The following ERBB4 variants were observed in gnomAD, a reference collection of about 807,000 sequenced individuals.
The protein encoded by ERBB4 is erb-b2 receptor tyrosine kinase 4.
A neutral mutation model predicts 158.0 loss-of-function variants in ERBB4; 42 were observed. That is an observed-to-expected ratio of 0.27 (90% CI 0.21 to 0.34). The LOEUF (loss-of-function observed/expected upper bound fraction) is 0.34. Among genes scored for constraint, ERBB4 ranks in the 10% least tolerant of loss-of-function variants. The probability of loss-of-function intolerance (pLI) is 1.00; values close to 1 mark genes in which losing one functional copy is unlikely to be tolerated. For synonymous variants in ERBB4, 583 were observed against 558.7 expected (o/e 1.04, Z -0.61); for missense variants, 1,333 against 1,624.1 (o/e 0.82, Z 3.08).
chr2:211,871,112 A>C (rs573972458), intron 3 of ERBB4, among the ~76,000 whole-genome samples: 71 of 152,274 alleles, frequency 4.7e-4, no homozygotes, highest in African/African-American at 1.7e-3. Flanking sequence ...TCCATTAATA[A>C]ATTTAAACTG....
At chr2:212,416,604 C>T (rs1403317564) in intron 1 of ERBB4, among the ~76,000 whole-genome samples, 1 of 151,968 alleles carries the variant, frequency 6.6e-6, no homozygotes, top group Non-Finnish European at 1.5e-5. Flanking sequence ...CCCTTAAGAC[C>T]ATGACAAGAT....
chr2:211,931,505 C>T (rs752007911), intron 3 of ERBB4, among the ~76,000 whole-genome samples: 1 of 151,864 alleles, frequency 6.6e-6, no homozygotes, highest in Non-Finnish European at 1.5e-5. Flanking sequence ...ATGTCATGTC[C>T]TCACTTGTTC....
chr2:211,392,032 A>C (rs957641724), intron 25 of ERBB4, among the ~76,000 whole-genome samples: 1 of 152,162 alleles, frequency 6.6e-6, no homozygotes, highest in South Asian at 2.1e-4. Context: ...GACTAAAATA[A>C]AATGTCTCTG....
chr2:212,231,366 T>C (rs1400269921), intron 1 of ERBB4, among the ~76,000 whole-genome samples: 1 of 152,232 alleles, frequency 6.6e-6, no homozygotes, highest in South Asian at 2.1e-4. Context: ...GGACTCCTGA[T>C]GGGCTTAAAC....
At chr2:212,195,200 T>C (rs2082389700) in intron 1 of ERBB4, among the ~76,000 whole-genome samples, 1 of 152,006 alleles carries the variant, frequency 6.6e-6, no homozygotes, top group Admixed American at 6.6e-5. Context: ...AAATTATAAA[T>C]TTGGTGTTAT....
chr2:211,641,088 C>G (rs2070567646), intron 16 of ERBB4, among the ~76,000 whole-genome samples: 1 of 152,100 alleles, frequency 6.6e-6, no homozygotes. Context: ...CTTGTAATTT[C>G]AAGACCCATA....
At chr2:211,844,140 AT>A (rs10710589) in intron 3 of ERBB4, among the ~76,000 whole-genome samples, 114,909 of 151,944 alleles carry the variant, frequency 0.76, 43,683 homozygotes, top group Non-Finnish European at 0.79. Context: ...GAAAACACTA[AT>A]TTTTTTGACT....
At chr2:211,417,179 A>T (rs2125395603) in intron 25 of ERBB4, among the ~76,000 whole-genome samples, 1 of 152,274 alleles carries the variant, frequency 6.6e-6, no homozygotes, top group South Asian at 2.1e-4. Flanking sequence ...ATTATTGCTT[A>T]AAAAGATTTG....
At chr2:211,767,028 G>A (rs919635490) in intron 4 of ERBB4, among the ~76,000 whole-genome samples, 4 of 152,144 alleles carry the variant, frequency 2.6e-5, no homozygotes, top group African/African-American at 9.7e-5. Flanking sequence ...TGTAAAGCAA[G>A]TAACCAATGG....
At chr2:211,475,460 C>T (rs2064931150) in intron 20 of ERBB4, among the ~76,000 whole-genome samples, 1 of 152,036 alleles carries the variant, frequency 6.6e-6, no homozygotes, top group Admixed American at 6.6e-5. Context: ...AATACCTGAT[C>T]AATGTATTTC....
intron 3 of ERBB4, among the ~76,000 whole-genome samples, chr2:211,887,791 C>A (rs527462468): frequency 1.5e-3 from 235 of 152,232 alleles, no homozygotes; most frequent in African/African-American, 5.5e-3. Flanking sequence ...TATTGTCGGT[C>A]TGCCTCTCCT....
intron 1 of ERBB4, among the ~76,000 whole-genome samples, chr2:212,167,976 G>T (rs1220920731): frequency 1.3e-5 from 2 of 151,562 alleles, no homozygotes; most frequent in Admixed American, 6.6e-5. Context: ...TAGAGGATGG[G>T]TCAATAGGTG....
intron 2 of ERBB4, among the ~76,000 whole-genome samples, chr2:212,002,923 T>C (rs569531861): frequency 3.9e-4 from 59 of 151,316 alleles, no homozygotes; most frequent in Non-Finnish European, 5.3e-4. Flanking sequence ...TAGCTGGGCA[T>C]AGTGGTGGGA....
chr2:212,010,953 A>G (rs2076371789), intron 2 of ERBB4, among the ~76,000 whole-genome samples: 1 of 152,178 alleles, frequency 6.6e-6, no homozygotes, highest in African/African-American at 2.4e-5. Flanking sequence ...GAAGAAAAAT[A>G]TGGCTCTTTT....
At chr2:212,041,589 AT>A (rs995010937) in intron 2 of ERBB4, among the ~76,000 whole-genome samples, 11 of 151,494 alleles carry the variant, frequency 7.3e-5, no homozygotes, top group African/African-American at 9.7e-5. Flanking sequence ...ATCATATTAC[AT>A]AAAAAAAAAA....
intron 1 of ERBB4, among the ~76,000 whole-genome samples, chr2:212,144,571 A>G (rs1299639584): frequency 6.6e-6 from 1 of 152,204 alleles, no homozygotes; most frequent in African/African-American, 2.4e-5. Flanking sequence ...CTTTCAGAAA[A>G]GTTCTGAATC....
intron 1 of ERBB4, among the ~76,000 whole-genome samples, chr2:212,463,982 A>C (rs1688705355): frequency 6.6e-6 from 1 of 152,144 alleles, no homozygotes; most frequent in Non-Finnish European, 1.5e-5. Context: ...CATTCTGCAC[A>C]CAATATACAA....
chr2:211,934,930 A>AAAAAAAAAAAAAAC (rs2080275625), intron 3 of ERBB4, among the ~76,000 whole-genome samples: 2 of 149,034 alleles, frequency 1.3e-5, no homozygotes, highest in Admixed American at 6.7e-5. Context: ...TTCAGCTAAA[A>AAAAAAAAAAAAAAC]AAAAAAAAAA....
At chr2:212,483,034 A>C (rs984410612) in intron 1 of ERBB4, among the ~76,000 whole-genome samples, 1 of 151,850 alleles carries the variant, frequency 6.6e-6, no homozygotes, top group Admixed American at 6.5e-5. Flanking sequence ...CTGCCTTGTG[A>C]GCAGATAGAT....
Sources: gnomAD v4.1 joint callset for allele counts (sites outside exome capture counted in the v4.1 genomes callset) on GRCh38, gnomAD v4.1.1 for gene constraint, MANE v1.5 for transcripts, NCBI Gene and HGNC (gene_info 2026-07-23, HGNC 2026-07-21) for gene names.